Variants in PCLO observed in about 807,000 individuals in gnomAD.
PCLO encodes protein piccolo.
PCLO carries 82 observed loss-of-function variants against 427.5 expected under a neutral mutation model. The observed-to-expected ratio is 0.19, with a 90% CI of 0.16 to 0.23. PCLO has a LOEUF of 0.23. Ranked by LOEUF, PCLO falls within the 10% of genes least tolerant of loss-of-function variation. The probability of loss-of-function intolerance (pLI) is 1.00; values close to 1 mark genes in which losing one functional copy is unlikely to be tolerated. For synonymous variants in PCLO, 2,357 were observed against 2,155.4 expected, an observed-to-expected ratio of 1.09 and a Z score of -2.59; for missense variants, 6,239 against 6,115.9, an observed-to-expected ratio of 1.02 and a Z score of -0.67.
intron 3 of PCLO, among the ~76,000 whole-genome samples, chr7:83,016,629 G>A (rs1024425824): frequency 6.6e-6 from 1 of 152,090 alleles, no homozygotes; most frequent in African/African-American, 2.4e-5. Context: ...AGCCCTGTAT[G>A]CTAGGCTCAT....
chr7:82,996,495 T>G (rs905166349), intron 3 of PCLO, among the ~76,000 whole-genome samples: 1 of 151,834 alleles, frequency 6.6e-6, no homozygotes, highest in Admixed American at 6.6e-5. Flanking sequence ...GGCAATAATC[T>G]TGTTAGCTCT....
chr7:82,780,046 T>G (rs754664387), intron 22 of PCLO, among the ~76,000 whole-genome samples: 6 of 152,210 alleles, frequency 3.9e-5, no homozygotes, highest in Non-Finnish European at 8.8e-5. Flanking sequence ...ATCCAGTTAT[T>G]GTAAACCTCT....
At chr7:82,815,337 T>A (rs996108010) in intron 20 of PCLO, among the ~76,000 whole-genome samples, 1 of 152,054 alleles carries the variant, frequency 6.6e-6, no homozygotes, top group Non-Finnish European at 1.5e-5. Flanking sequence ...TAATAATAGT[T>A]GGATGGAAGC....
intron 4 of PCLO, among the ~76,000 whole-genome samples, chr7:82,958,182 T>C (rs1221311844): frequency 6.6e-6 from 1 of 152,182 alleles, no homozygotes; most frequent in African/African-American, 2.4e-5. Context: ...CTGTATCTTG[T>C]ACTGTCTCAA....
chr7:82,978,900 C>T (rs1179273396), intron 3 of PCLO, among the ~76,000 whole-genome samples: 1 of 146,038 alleles, frequency 6.8e-6, no homozygotes, highest in African/African-American at 2.5e-5. Flanking sequence ...ACACACTCCA[C>T]AAAATGAGTA....
intron 3 of PCLO, among the ~76,000 whole-genome samples, chr7:83,127,223 G>T (rs1342018530): frequency 3.3e-5 from 5 of 151,978 alleles, no homozygotes; most frequent in African/African-American, 1.2e-4. Context: ...GTAAGTCGGT[G>T]AGTGTTCACT....
In PCLO at chr7:83,094,863, C is replaced by T. The variant is rs576834043; in HGVS notation, c.3300+39387G>A. Among the ~76,000 whole-genome samples the T allele has an allele frequency of 7.9e-5, 12 of 152,166 alleles. 1 individual carries two copies. In the South Asian group the frequency reaches 2.5e-3, roughly 32 times the overall value. ...CTTTTCCTACATTGCTGAATTCTATCTGATAATATTTCTAAATGATTTTTG... is the reference window on the plus strand; with the variant it reads ...CTTTTCCTACATTGCTGAATTCTATTTGATAATATTTCTAAATGATTTTTG... On this transcript the variant is annotated intron_variant, in intron 3 of 24. Coordinates refer to ENST00000333891, the MANE Select transcript of PCLO (RefSeq NM_033026.6).
In PCLO at chr7:83,011,532, C is replaced by T. The variant is rs543648143; in HGVS notation, c.3301-45045G>A. The stretch of plus-strand genomic sequence containing the variant: ...CATTATGTGATTTTATTCTGAGGAA[C>T]TTACAAATAAATAGGATCAAGACAA... On this transcript the variant is annotated intron_variant, in intron 3 of 24. Transcript: ENST00000333891. Among the ~76,000 whole-genome samples the T allele has an allele frequency of 6.0e-5, 9 of 151,256 alleles. No homozygotes were observed. The South Asian group carries it at 1.9e-3, about 31-fold the overall frequency.
intron 3 of PCLO, among the ~76,000 whole-genome samples, chr7:83,093,492 A>ATATATATATATTTTTTTTTTTTTTTT: frequency 3.4e-5 from 2 of 59,322 alleles, no homozygotes; most frequent in Admixed American, 5.8e-4. Flanking sequence ...ATATATATAT[A>ATATATATATATTTTTTTTTTTTTTTT]TTTTTTTTTT....
At chr7:82,877,036 G>A (rs1005454322) in intron 10 of PCLO, among the ~76,000 whole-genome samples, 11 of 151,956 alleles carry the variant, frequency 7.2e-5, no homozygotes, top group South Asian at 4.2e-4. Context: ...TATTAGTTCC[G>A]AAATAAAATA....
intron 3 of PCLO, among the ~76,000 whole-genome samples, chr7:83,086,117 CTT>C (rs71074614): frequency 6.7e-6 from 1 of 148,636 alleles, no homozygotes; most frequent in African/African-American, 2.5e-5. Flanking sequence ...CTTTTTTTTT[CTT>C]TTTTTTTTGA....
intron 9 of PCLO, among the ~76,000 whole-genome samples, chr7:82,890,146 G>C (rs1793723828): frequency 1.3e-5 from 2 of 151,996 alleles, no homozygotes; most frequent in African/African-American, 4.8e-5. Flanking sequence ...ACTACAAGCT[G>C]AGAGCGAGGT....
chr7:82,964,912 T>C (rs1427267938), intron 4 of PCLO, among the ~76,000 whole-genome samples: 2 of 152,186 alleles, frequency 1.3e-5, no homozygotes, highest in African/African-American at 2.4e-5. Flanking sequence ...AAACAAACTA[T>C]AGTTTCTAGT....
chr7:83,078,165 G>A (rs1292901237), intron 3 of PCLO, among the ~76,000 whole-genome samples: 1 of 152,078 alleles, frequency 6.6e-6, no homozygotes, highest in Non-Finnish European at 1.5e-5. Context: ...AATGGAAATT[G>A]TACCTATCAC....
intron 22 of PCLO, among the ~76,000 whole-genome samples, chr7:82,767,924 C>T (rs1790565898): frequency 1.3e-5 from 2 of 150,616 alleles, no homozygotes; most frequent in South Asian, 4.2e-4. Context: ...ATATATAAGA[C>T]TATGGCAGAG....
chr7:83,125,866 C>G (rs1791425364), intron 3 of PCLO, among the ~76,000 whole-genome samples: 1 of 151,668 alleles, frequency 6.6e-6, no homozygotes, highest in African/African-American at 2.4e-5. Flanking sequence ...CCGAGAAACA[C>G]CCAAGAATGA....
intron 24 of PCLO, among the ~76,000 whole-genome samples, chr7:82,759,357 T>C (rs985525448): frequency 5.9e-5 from 9 of 152,046 alleles, no homozygotes; most frequent in African/African-American, 1.9e-4. Context: ...TCTCCAGTTA[T>C]ATAATTTACC....
At chr7:82,905,383 A>T (rs1794162190) in intron 8 of PCLO, among the ~76,000 whole-genome samples, 1 of 152,032 alleles carries the variant, frequency 6.6e-6, no homozygotes, top group South Asian at 2.1e-4. Flanking sequence ...CATACTGTGT[A>T]TTCATACAGA....
At chr7:82,884,609 C>T (rs187231801) in intron 9 of PCLO, among the ~76,000 whole-genome samples, 8 of 152,030 alleles carry the variant, frequency 5.3e-5, no homozygotes, top group Non-Finnish European at 5.9e-5. Flanking sequence ...AAGGGTTTGC[C>T]GGATACTTCT....
Sources: allele counts gnomAD v4.1 joint callset (sites outside exome capture counted in the v4.1 genomes callset), GRCh38; gene constraint gnomAD v4.1.1; transcripts MANE v1.5; gene names NCBI Gene and HGNC (gene_info 2026-07-23, HGNC 2026-07-21).